The following FREM2 variants were observed in gnomAD, a reference collection of about 807,000 sequenced individuals.
FREM2 encodes the protein FRAS1-related extracellular matrix protein 2.
FREM2 carries 119 observed loss-of-function variants against 219.9 expected under a neutral mutation model. The ratio of observed to expected loss-of-function variants is 0.54; its 90% CI spans 0.47 to 0.63. The LOEUF is 0.63. Among genes scored for constraint, FREM2 ranks in the 30% least tolerant of loss-of-function variants. The probability of loss-of-function intolerance (pLI) is 0.00; values close to 1 mark genes in which losing one functional copy is unlikely to be tolerated. For missense variants in FREM2, 4,030 were observed against 3,993.6 expected, an observed-to-expected ratio of 1.01 and a Z score of -0.25; for synonymous variants, 1,562 against 1,522.8, an observed-to-expected ratio of 1.03 and a Z score of -0.60.
intron 2 of FREM2, among the ~76,000 whole-genome samples, chr13:38,703,069 T>G (rs537130195): frequency 1.3e-5 from 2 of 152,158 alleles, no homozygotes; most frequent in Non-Finnish European, 2.9e-5. Flanking sequence ...TATTCCGTAT[T>G]TGATGATTGA....
intron 4 of FREM2, among the ~76,000 whole-genome samples, chr13:38,776,753 A>G (rs4526895): frequency 0.16 from 24,909 of 151,898 alleles, 2,267 homozygotes; most frequent in East Asian, 0.41. Context: ...TGCACTTTCT[A>G]TTCATTTGTC....
At chr13:38,712,658 A>T (rs889384331) in intron 2 of FREM2, among the ~76,000 whole-genome samples, 3 of 149,392 alleles carry the variant, frequency 2.0e-5, no homozygotes, top group East Asian at 1.9e-4. Flanking sequence ...TCTCACACAC[A>T]CACACACACA....
At chr13:38,712,870 A>C (rs1465953499) in intron 2 of FREM2, among the ~76,000 whole-genome samples, 1 of 152,204 alleles carries the variant, frequency 6.6e-6, no homozygotes, top group Non-Finnish European at 1.5e-5. Context: ...CTAGATAGTA[A>C]CATGATTGAG....
At chr13:38,751,271 C>T (rs995767190) in intron 2 of FREM2, among the ~76,000 whole-genome samples, 9 of 149,258 alleles carry the variant, frequency 6.0e-5, no homozygotes. Context: ...CAACAGTGTA[C>T]AGCAATTCCC....
chr13:38,866,631 C>T (rs1877978099), intron 16 of FREM2, among the ~76,000 whole-genome samples: 1 of 149,194 alleles, frequency 6.7e-6, no homozygotes, highest in Non-Finnish European at 1.5e-5. Flanking sequence ...CGCGCCATTG[C>T]ACTCCAGCCT....
chr13:38,753,108 G>T lies in FREM2; in HGVS notation c.5264-11196G>T, dbSNP rs2137796424. Among the ~76,000 whole-genome samples the T allele has an allele frequency of 2.0e-5, 3 of 152,148 alleles. No individual in the cohort carries two copies. In the South Asian group the frequency reaches 6.2e-4, roughly 32 times the overall value. ...TTCCCCAGAGGGAGAAGAGGGTGTG[G>T]ATCTTCTTGACAAACTTAACTCTTG... On this transcript the variant is annotated intron_variant, in intron 2 of 23. Coordinates refer to ENST00000280481, the MANE Select transcript of FREM2 (RefSeq NM_207361.6).
chr13:38,757,934 T>G (rs1473840295), intron 2 of FREM2, among the ~76,000 whole-genome samples: 1 of 152,204 alleles, frequency 6.6e-6, no homozygotes, highest in Non-Finnish European at 1.5e-5. Context: ...CATATTTGTT[T>G]GTGCTGCCTC....
At chr13:38,779,341 C>T (rs2137825523) in intron 4 of FREM2, 1 of 151,880 alleles carries the variant, frequency 6.6e-6, no homozygotes, top group East Asian at 1.9e-4. Flanking sequence ...CCATGTATAC[C>T]TATGTAACAA....
Position 38,691,314 on chromosome 13 carries a change from A to G in FREM2, c.3970A>G (p.Asn1324Asp). The change falls in exon 1 of 24, where the codon AAC (asparagine) becomes GAC (aspartate). Residue 1324 changes from asparagine to aspartate, a missense_variant. Physicochemically the swap from Asn to Asp is conservative, Grantham distance 23. Transcript: ENST00000280481. ...IEIGDTKIINNKILMATDLDS... is the reference protein window; with the variant it reads ...IEIGDTKIINDKILMATDLDS... ...AATTGGGGATACCAAGATTATCAACAACAAAATATTAATGGCAACAGATTT... is the reference window on the plus strand; with the variant it reads ...AATTGGGGATACCAAGATTATCAACGACAAAATATTAATGGCAACAGATTT... 1 of 1,614,140 alleles carries G rather than the reference A, an allele frequency of 6.2e-7. No homozygotes were observed. Among genetic ancestry groups the G allele is most frequent in the Admixed American group, 1.7e-5 (1 of 60,032 alleles).
chr13:38,874,464 G>T lies in FREM2; in HGVS notation c.8177-18G>T. On this transcript the variant is annotated intron_variant, in intron 17 of 23. Transcript: ENST00000280481. ...CTGGCTACATATATTTTCATTCTTG[G>T]TACTCTCCCCATTATAGGTTCTCTC... The T allele has an allele frequency of 6.3e-7, 1 of 1,595,932 alleles. No individual in the cohort carries two copies. Among genetic ancestry groups the T allele is most frequent in the Non-Finnish European group, 8.6e-7 (1 of 1,163,588 alleles).
intron 6 of FREM2, among the ~76,000 whole-genome samples, chr13:38,787,273 A>G (rs1322939322): frequency 2.6e-5 from 4 of 152,064 alleles, no homozygotes; most frequent in Admixed American, 6.6e-5. Flanking sequence ...TCACTCAACC[A>G]CTATTCAATA....
intron 2 of FREM2, among the ~76,000 whole-genome samples, chr13:38,698,110 G>A (rs1870192609): frequency 6.6e-6 from 1 of 152,162 alleles, no homozygotes; most frequent in Non-Finnish European, 1.5e-5. Context: ...TCAGTAAGAG[G>A]ATGTTGGAAT....
At chr13:38,699,951 T>C (rs2138081835) in intron 2 of FREM2, among the ~76,000 whole-genome samples, 1 of 152,232 alleles carries the variant, frequency 6.6e-6, no homozygotes, top group Non-Finnish European at 1.5e-5. Flanking sequence ...CGATGAAATA[T>C]GAAATGTGTG....
intron 2 of FREM2, among the ~76,000 whole-genome samples, chr13:38,718,495 C>T (rs971993761): frequency 6.6e-6 from 1 of 152,112 alleles, no homozygotes; most frequent in African/African-American, 2.4e-5. Flanking sequence ...ATGGTTTGGG[C>T]TAATCTTTTG....
intron 8 of FREM2, among the ~76,000 whole-genome samples, chr13:38,849,248 T>C (rs571649955): frequency 6.6e-6 from 1 of 152,308 alleles, no homozygotes; most frequent in South Asian, 2.1e-4. Flanking sequence ...AAAACTTTTA[T>C]TCTTTCTCTC....
chr13:38,706,209 C>T (rs1167351356), intron 2 of FREM2, among the ~76,000 whole-genome samples: 1 of 152,058 alleles, frequency 6.6e-6, no homozygotes, highest in Non-Finnish European at 1.5e-5. Flanking sequence ...CAAAATATAA[C>T]CCTTCGAAAC....
chr13:38,807,481 A>G lies in FREM2; in HGVS notation c.6019+22673A>G, dbSNP rs565342463. Among the ~76,000 whole-genome samples, 9 of 151,468 alleles carry G rather than the reference A, an allele frequency of 5.9e-5. No homozygotes were observed. In the East Asian group the frequency reaches 1.4e-3, roughly 24 times the overall value. ...AGATCTATCAGATAAATCACTGTCT[A>G]TGGCAGCTATAGCCTTACAAAATGT... On this transcript the variant is annotated intron_variant, in intron 6 of 23. Coordinates refer to ENST00000280481, the MANE Select transcript of FREM2 (RefSeq NM_207361.6).
chr13:38,802,316 C>T (rs1030394235), intron 6 of FREM2, among the ~76,000 whole-genome samples: 1 of 152,058 alleles, frequency 6.6e-6, no homozygotes, highest in African/African-American at 2.4e-5. Flanking sequence ...CTCCTCAGTC[C>T]CACAGCAGCC....
chr13:38,802,396 C>T (rs1461841077), intron 6 of FREM2, among the ~76,000 whole-genome samples: 1 of 152,106 alleles, frequency 6.6e-6, no homozygotes, highest in East Asian at 1.9e-4. Flanking sequence ...GTGGCAACAT[C>T]AGCCCCAGCT....
Sources: gnomAD v4.1 joint callset for allele counts (sites outside exome capture counted in the v4.1 genomes callset) on GRCh38, gnomAD v4.1.1 for gene constraint, MANE v1.5 for transcripts, NCBI Gene and HGNC (gene_info 2026-07-23, HGNC 2026-07-21) for gene names.